VPS13C: variants seen among roughly 807,000 people sequenced by gnomAD.
VPS13C encodes intermembrane lipid transfer protein VPS13C.
Under a neutral mutation model 456.8 loss-of-function variants are expected in VPS13C, and 358 were observed. That is an observed-to-expected ratio of 0.78 (90% CI 0.72 to 0.86). The LOEUF (loss-of-function observed/expected upper bound fraction) is 0.86. VPS13C is among the 40% of genes least tolerant of loss of function. VPS13C has a pLI of 0.00. For missense variants in VPS13C, 4,818 were observed against 4,385.4 expected, an observed-to-expected ratio of 1.10 and a Z score of -2.79; for synonymous variants, 1,578 against 1,486.7, an observed-to-expected ratio of 1.06 and a Z score of -1.41.
At chr15:61,988,446 A>G (rs377342202) in intron 18 of VPS13C, among the ~76,000 whole-genome samples, 4 of 152,228 alleles carry the variant, frequency 2.6e-5, no homozygotes, top group African/African-American at 9.6e-5. Context: ...AGAGGAATGA[A>G]AAAGAGGTAA....
rs190695385 is a variant in VPS13C, at chr15:61,981,736, G to A, written c.2030-258C>T. ...AAATTAGCCAGGCGTGGTGGCGGGCGCCTGCAGCCCCAGCTACTTGGGAGG... is the reference window on the plus strand; with the variant it reads ...AAATTAGCCAGGCGTGGTGGCGGGCACCTGCAGCCCCAGCTACTTGGGAGG... On this transcript the variant is annotated intron_variant, in intron 21 of 84. Transcript: ENST00000644861. 5.3e-3 allele frequency among the ~76,000 whole-genome samples: 810 copies of A among 152,196 alleles called. 5 individuals carry two copies. The highest frequency in any genetic ancestry group is 0.018 in the African/African-American group (728 of 41,554).
At chr15:62,048,928 T>C (rs1204318806) in intron 1 of VPS13C, among the ~76,000 whole-genome samples, 1 of 152,154 alleles carries the variant, frequency 6.6e-6, no homozygotes, top group Non-Finnish European at 1.5e-5. Context: ...TTCATATCCT[T>C]TGCCCACTTT....
In VPS13C at chr15:61,920,278, A is replaced by G. The variant is rs1390943017; in HGVS notation, c.7266T>C (p.Ala2422=). Residue 2422 remains alanine, a synonymous_variant, in exon 57 of 85, where the codon GCT becomes GCC. Coordinates refer to ENST00000644861, the MANE Select transcript of VPS13C (RefSeq NM_020821.3). The stretch of plus-strand genomic sequence containing the variant: ...CTACAGCATTTTTTACCGTAAAAGG[A>G]GCTCTGTCCTTTAAAGAGTAGTCAA... ...STFDYSLKDR[A]PFTVKNAVGV... is the part of the protein sequence containing the mutation. The G allele has an allele frequency of 1.2e-6, 2 of 1,613,128 alleles. No individual in the cohort carries two copies. Among genetic ancestry groups the G allele is most frequent in the Admixed American group, 1.7e-5 (1 of 60,002 alleles).
At position 61,852,848 on chromosome 15, in the gene VPS13C, T is replaced by C. The variant is rs960554306; in HGVS notation, c.*1609A>G. The C allele has an allele frequency of 6.6e-6, 1 of 152,170 alleles. No individual in the cohort carries two copies. The highest frequency in any genetic ancestry group is 1.5e-5 in the Non-Finnish European group (1 of 68,004). 9.4% of individuals were successfully genotyped at this position (152,170 alleles called of 1,614,324 possible). On this transcript the variant is annotated 3_prime_UTR_variant, in exon 85 of 85. Coordinates refer to ENST00000644861, the MANE Select transcript of VPS13C (RefSeq NM_020821.3). The stretch of plus-strand genomic sequence containing the variant: ...GTTACTGCATTCTCTTTTTAGAATA[T>C]ACATTAAGTAACACTAGTAAAATTT...
At chr15:61,952,716 T>G (rs2044843236) in intron 38 of VPS13C, among the ~76,000 whole-genome samples, 1 of 151,950 alleles carries the variant, frequency 6.6e-6, no homozygotes, top group Non-Finnish European at 1.5e-5. Flanking sequence ...GTTTGTTTGT[T>G]TATTGACTGA....
At chr15:61,998,189 T>G (rs1162516891) in intron 16 of VPS13C, among the ~76,000 whole-genome samples, 2 of 152,174 alleles carry the variant, frequency 1.3e-5, no homozygotes, top group Non-Finnish European at 2.9e-5. Context: ...CCCTTAGATA[T>G]CTTTCTGGCT....
At position 61,910,204 on chromosome 15, in the gene VPS13C, ATTATCCT is replaced by A; in HGVS notation, c.8810_8816del (p.Gln2937LeufsTer5). ...GATCTTCTAAGCTCAATAAAGTGCC[ATTATCCT>A]GTCGGTTATAAAAGAATGGTTTGGA... On this transcript the variant is annotated frameshift_variant, in exon 64 of 85. Transcript: ENST00000644861. LOFTEE classifies it high-confidence loss of function. The A allele has an allele frequency of 6.8e-7, 1 of 1,461,642 alleles. No individual in the cohort carries two copies. The allele number at this position is 1,461,642 out of a possible 1,614,324, so 90.5% of individuals were successfully genotyped here.
chr15:61,981,575 T>A, intron 21 of VPS13C, 97 bp from the exon 22 acceptor site: 1 of 1,324,534 alleles, frequency 7.5e-7, no homozygotes, highest in Non-Finnish European at 9.9e-7. Flanking sequence ...TGAAAAGTAT[T>A]ACAGGTCGGG....
chr15:62,015,116 G>A (rs75989454), intron 9 of VPS13C, among the ~76,000 whole-genome samples: 2 of 152,102 alleles, frequency 1.3e-5, no homozygotes, highest in Admixed American at 1.3e-4. Context: ...GAAGCTCAAA[G>A]TTACTCTGCT....
chr15:62,050,733 CA>C (rs1227825292), intron 1 of VPS13C, among the ~76,000 whole-genome samples: 2 of 148,056 alleles, frequency 1.4e-5, no homozygotes, highest in Non-Finnish European at 3.0e-5. Context: ...ACCAGAAGGG[CA>C]GAGGTTGCAG....
rs1291866929 is a variant in VPS13C at position 61,858,176 on chromosome 15, G to C, written c.10953-1767C>G. Among the ~76,000 whole-genome samples, 1 of 151,792 alleles carries C rather than the reference G, an allele frequency of 6.6e-6. No homozygotes were observed. Among genetic ancestry groups the C allele is most frequent in the South Asian group, 2.1e-4 (1 of 4,804 alleles). ...TCTTTACCATCCCAATAATACTACC[G>C]TTCTCCTTCCACCTAGAATGTCTCC... On this transcript the variant is annotated intron_variant, in intron 82 of 84. Transcript: ENST00000644861. The surrounding 1 kb of genome is among the most constrained non-coding windows in gnomAD (Gnocchi z 4.4).
intron 18 of VPS13C, among the ~76,000 whole-genome samples, chr15:61,989,227 C>CAA (rs750998024): frequency 1.0e-5 from 1 of 99,194 alleles, no homozygotes. Context: ...CCTGTCTCTA[C>CAA]AAAAAAAAAA....
At chr15:62,032,149 T>C (rs898682329) in intron 5 of VPS13C, among the ~76,000 whole-genome samples, 1 of 151,814 alleles carries the variant, frequency 6.6e-6, no homozygotes, top group African/African-American at 2.4e-5. Flanking sequence ...AATATCCTAA[T>C]CTGAATAGTT....
chr15:61,890,028 T>C, intron 67 of VPS13C, 137 bp downstream of exon 67: 1 of 754,442 alleles, frequency 1.3e-6, no homozygotes. Context: ...GTTCAAAGAA[T>C]TATTCAGTAA....
At position 61,936,667 on chromosome 15, in the gene VPS13C, A is replaced by G. The variant is rs752832977; in HGVS notation, c.5685T>C (p.Pro1895=). The G allele has an allele frequency of 6.2e-7, 1 of 1,613,378 alleles. No individual in the cohort carries two copies. Among genetic ancestry groups the G allele is most frequent in the African/African-American group, 1.3e-5 (1 of 74,894 alleles). The change falls in exon 48 of 85, where the codon CCT becomes CCC. Residue 1895 remains proline, a synonymous_variant. Coordinates refer to ENST00000644861, the MANE Select transcript of VPS13C (RefSeq NM_020821.3). The part of the protein sequence containing the change: ...NLGEASSQPS[P]TQSVQETVRV... The stretch of plus-strand genomic sequence containing the variant: ...TTACAGTCTCCTGCACAGACTGTGT[A>G]GGGCTTGGTTGTGAGGAAGCTTCTC...
Position 61,863,493 on chromosome 15 carries a change from T to A in VPS13C, c.10899A>T (p.Arg3633=). 2 of 1,613,026 alleles carry A rather than the reference T, an allele frequency of 1.2e-6. No homozygotes were observed. Among genetic ancestry groups the A allele is most frequent in the Non-Finnish European group, 1.7e-6 (2 of 1,179,278 alleles). Residue 3633 remains arginine (R), a synonymous_variant, in exon 82 of 85, where the codon CGA becomes CGT. Coordinates refer to ENST00000644861, the MANE Select transcript of VPS13C (RefSeq NM_020821.3). The part of the protein sequence containing the change: ...HIKKLEGETY[R]YHCAIPGSKK... ...TGCTTCCAGGAATAGCACAGTGGTA[T>A]CGGTAAGTCTCTCCTTCCAACTTTT... is the stretch of plus-strand genomic sequence containing the variant.
chr15:61,918,103 A>T, intron 59 of VPS13C, 33 bp downstream of exon 59: 1 of 1,546,188 alleles, frequency 6.5e-7, no homozygotes, highest in Non-Finnish European at 8.7e-7. Context: ...AACTCAATAC[A>T]TTTAAAGTTT....
chr15:61,863,652 T>C (rs1894350773), intron 81 of VPS13C, 124 bp from the exon 82 acceptor site: 1 of 579,998 alleles, frequency 1.7e-6, no homozygotes, highest in Non-Finnish European at 3.0e-6. Flanking sequence ...AAAGCACAAT[T>C]CTACATATTG....
intron 67 of VPS13C, among the ~76,000 whole-genome samples, chr15:61,885,368 A>G (rs538136063): frequency 6.6e-6 from 1 of 152,144 alleles, no homozygotes; most frequent in Non-Finnish European, 1.5e-5. Flanking sequence ...AACAAAAATT[A>G]ATTTCCAAAG....
Sources: gnomAD v4.1 joint callset for allele counts (sites outside exome capture counted in the v4.1 genomes callset) on GRCh38, gnomAD v4.1.1 for gene constraint, Gnocchi (gnomAD v3.1) non-coding constraint, MANE v1.5 for transcripts, NCBI Gene and HGNC (gene_info 2026-07-23, HGNC 2026-07-21) for gene names.